The following FLOT1 variants were observed in gnomAD, a reference collection of about 807,000 sequenced individuals.
The protein encoded by FLOT1 is flotillin 1.
FLOT1 carries 40 observed loss-of-function variants against 58.4 expected under a neutral mutation model. The observed-to-expected ratio is 0.69, with a 90% CI of 0.53 to 0.89. The LOEUF (loss-of-function observed/expected upper bound fraction) is 0.89, where lower values mean the gene tolerates loss of function less well. FLOT1 is among the 40% of genes least tolerant of loss of function. The probability of loss-of-function intolerance (pLI) is 0.00; values close to 1 mark genes in which losing one functional copy is unlikely to be tolerated. For missense variants in FLOT1, 423 were observed against 540.8 expected, an observed-to-expected ratio of 0.78 and a Z score of 2.16; for synonymous variants, 178 against 204.2, an observed-to-expected ratio of 0.87 and a Z score of 1.09.
Position 30,741,613 on chromosome 6 carries a change from C to G in FLOT1, c.210+1G>C, listed in dbSNP as rs1777987488. Reference sequence around the variant, plus strand: ...TGGGGAAAAGGCTCTGAAAGCTTCACCTGGGCAATGCCAGTGACTGAGATG... The same window carrying G: ...TGGGGAAAAGGCTCTGAAAGCTTCAGCTGGGCAATGCCAGTGACTGAGATG... On this transcript the variant is annotated splice_donor_variant, in intron 4 of 12. Transcript: ENST00000376389. LOFTEE classifies it high-confidence loss of function. This position sits in a 1 kb window ranked among gnomAD's most constrained non-coding sequence, Gnocchi z 5.9. 1 of 1,609,378 alleles carries G rather than the reference C, an allele frequency of 6.2e-7. No individual in the cohort carries two copies. Among genetic ancestry groups the G allele is most frequent in the Non-Finnish European group, 8.5e-7 (1 of 1,177,092 alleles).
At chr6:30,732,487 G>A (rs992622159) in intron 8 of FLOT1, among the ~76,000 whole-genome samples, 2 of 151,950 alleles carry the variant, frequency 1.3e-5, no homozygotes, top group African/African-American at 2.4e-5. Flanking sequence ...AGAGTAGCTG[G>A]GACTACAGGT....
In FLOT1 at chr6:30,728,059, G is replaced by T; in HGVS notation, c.*57C>A. 6.5e-7 allele frequency: 1 copy of T among 1,541,766 alleles called. No homozygotes were observed. Among genetic ancestry groups the T allele is most frequent in the Non-Finnish European group, 9.0e-7 (1 of 1,115,336 alleles). ...GGAGGCCAGTGGGTTACATGCAACA[G>T]GAGGATCATTCAGGCAACTTCAGCT... On this transcript the variant is annotated 3_prime_UTR_variant, in exon 13 of 13. Transcript: ENST00000376389.
chr6:30,731,429 G>A (rs78326233), intron 8 of FLOT1, among the ~76,000 whole-genome samples: 10,979 of 147,588 alleles, frequency 0.074, 649 homozygotes, highest in African/African-American at 0.16. Context: ...AGGTTGCAGT[G>A]AGCTGGGATC....
intron 8 of FLOT1, among the ~76,000 whole-genome samples, chr6:30,735,928 G>A (rs894057569): frequency 6.6e-6 from 1 of 151,734 alleles, no homozygotes; most frequent in South Asian, 2.1e-4. Flanking sequence ...TCTGGTTTCC[G>A]TTCCTATTTT....
At chr6:30,731,667 T>C (rs553748593) in intron 8 of FLOT1, among the ~76,000 whole-genome samples, 1 of 152,304 alleles carries the variant, frequency 6.6e-6, no homozygotes, top group South Asian at 2.1e-4. Context: ...GGCTTTCTGC[T>C]ATCTCCAGTC....
At chr6:30,733,586 C>G (rs1157031929) in intron 8 of FLOT1, among the ~76,000 whole-genome samples, 3 of 150,674 alleles carry the variant, frequency 2.0e-5, no homozygotes, top group African/African-American at 7.3e-5. Context: ...ACTAAAAATA[C>G]AAAAATTAGC....
At chr6:30,729,516 T>C (rs1433020001) in intron 12 of FLOT1, among the ~76,000 whole-genome samples, 1 of 152,140 alleles carries the variant, frequency 6.6e-6, no homozygotes, top group South Asian at 2.1e-4. Flanking sequence ...AGGAAACAGG[T>C]ATAGAGAGGT....
chr6:30,729,240 A>G (rs1287092679), intron 12 of FLOT1, among the ~76,000 whole-genome samples: 5 of 150,598 alleles, frequency 3.3e-5, no homozygotes, highest in Non-Finnish European at 4.4e-5. Context: ...AAGCCTGGCT[A>G]ATTTTTTTTT....
intron 9 of FLOT1, 81 bp from the exon 10 acceptor site, chr6:30,730,808 G>A: frequency 6.2e-7 from 1 of 1,604,470 alleles, no homozygotes; most frequent in South Asian, 1.1e-5. Flanking sequence ...AGAGGCAGAC[G>A]CTCCTGAAAC....
chr6:30,741,133 C>T lies in FLOT1; in HGVS notation c.354+57G>A. On this transcript the variant is annotated intron_variant, in intron 5 of 12. Transcript: ENST00000376389. The surrounding 1 kb of genome is among the most constrained non-coding windows in gnomAD (Gnocchi z 5.9). ...ACTGTCTCTCACAGACTAGTGTGGG[C>T]CTTGGGCCCCCCTCATTTTGACATC... The T allele has an allele frequency of 6.3e-7, 1 of 1,592,580 alleles. No individual in the cohort carries two copies. The highest frequency in any genetic ancestry group is 1.1e-5 in the South Asian group (1 of 90,614).
intron 8 of FLOT1, among the ~76,000 whole-genome samples, chr6:30,735,231 C>T (rs1186507825): frequency 6.6e-6 from 1 of 152,048 alleles, no homozygotes; most frequent in Non-Finnish European, 1.5e-5. Flanking sequence ...ATAGTCATTT[C>T]ATGCCCCTGT....
At chr6:30,731,265 G>A (rs1304461489) in intron 8 of FLOT1, among the ~76,000 whole-genome samples, 165 bp from the exon 9 acceptor site, 1 of 152,040 alleles carries the variant, frequency 6.6e-6, no homozygotes, top group East Asian at 1.9e-4. Flanking sequence ...AGGGTGGATT[G>A]CCTGAGTTCA....
At position 30,730,037 on chromosome 6, in the gene FLOT1, G is replaced by A. The variant is rs762881343; in HGVS notation, c.1239C>T (p.Gly413=). The A allele has an allele frequency of 2.9e-5, 46 of 1,612,818 alleles. No homozygotes were observed. The highest frequency in any genetic ancestry group is 1.8e-4 in the Admixed American group (11 of 59,988). Residue 413 remains glycine (G), a synonymous_variant, in exon 12 of 13, where the codon GGC becomes GGT. Transcript: ENST00000376389. ...GAGACCTCACCTGGGAGATGCTCAC[G>A]CCTGTGAGTCTTTCCACACTCTCTG... is the stretch of plus-strand genomic sequence containing the variant. The part of the protein sequence containing the change: ...RLPESVERLT[G]VSISQVNHKP...
chr6:30,730,796 G>A, intron 9 of FLOT1, 69 bp from the exon 10 acceptor site: 1 of 1,606,460 alleles, frequency 6.2e-7, no homozygotes, highest in Non-Finnish European at 8.5e-7. Flanking sequence ...GCCCAGTGCT[G>A]CAGAGGCAGA....
intron 5 of FLOT1, 190 bp downstream of exon 5, chr6:30,741,000 T>G: frequency 1.9e-6 from 2 of 1,072,996 alleles, no homozygotes; most frequent in Non-Finnish European, 2.6e-6. Flanking sequence ...TTGGCTAGGC[T>G]GGTCTCGAAC....
chr6:30,738,287 C>G (rs1373573495), intron 8 of FLOT1, among the ~76,000 whole-genome samples: 1 of 152,208 alleles, frequency 6.6e-6, no homozygotes, highest in Non-Finnish European at 1.5e-5. Context: ...AGTTGCAAAG[C>G]TGTATGCCAT....
At position 30,737,659 on chromosome 6, in the gene FLOT1, T is replaced by C. The variant is rs1277256895; in HGVS notation, c.723+2499A>G. Among the ~76,000 whole-genome samples the C allele has an allele frequency of 1.3e-5, 2 of 152,176 alleles. No homozygotes were observed. The highest frequency in any genetic ancestry group is 2.9e-5 in the Non-Finnish European group (2 of 68,040). Reference sequence around the variant, plus strand: ...CTCCAAGTCTGATCTCAAACACCACTTCCTCATAGAAACTTTCTCTACCAC... The same window carrying C: ...CTCCAAGTCTGATCTCAAACACCACCTCCTCATAGAAACTTTCTCTACCAC... On this transcript the variant is annotated intron_variant, in intron 8 of 12. Coordinates refer to ENST00000376389, the MANE Select transcript of FLOT1 (RefSeq NM_005803.4). The surrounding 1 kb of genome is among the most constrained non-coding windows in gnomAD (Gnocchi z 4.4).
At chr6:30,729,940 G>T in intron 12 of FLOT1, 82 bp downstream of exon 12, 1 of 1,280,942 alleles carries the variant, frequency 7.8e-7, no homozygotes, top group Non-Finnish European at 1.1e-6. Flanking sequence ...CCCAGGCCTG[G>T]ATGCTGGTTA....
At chr6:30,733,716 G>C (rs1466439814) in intron 8 of FLOT1, among the ~76,000 whole-genome samples, 1 of 143,294 alleles carries the variant, frequency 7.0e-6, no homozygotes, top group Non-Finnish European at 1.5e-5. Flanking sequence ...CTCCAGCCTG[G>C]GTGACAAGAG....
Sources: allele counts gnomAD v4.1 joint callset (sites outside exome capture counted in the v4.1 genomes callset), GRCh38; gene constraint gnomAD v4.1.1; non-coding constraint Gnocchi (gnomAD v3.1); transcripts MANE v1.5; gene names NCBI Gene and HGNC (gene_info 2026-07-23, HGNC 2026-07-21).